MYRFL: variants seen among roughly 807,000 people sequenced by gnomAD.
MYRFL encodes the protein myelin regulatory factor-like protein.
MYRFL carries 88 observed loss-of-function variants against 109.4 expected under a neutral mutation model. The ratio of observed to expected loss-of-function variants is 0.80; its 90% confidence interval spans 0.68 to 0.96. The LOEUF (loss-of-function observed/expected upper bound fraction) is 0.96, where lower values mean the gene tolerates loss of function less well. Ranked by LOEUF, MYRFL falls within the 40% of genes least tolerant of loss-of-function variation. The pLI, the probability that MYRFL is intolerant of heterozygous loss-of-function variation, is 0.00. For missense variants in MYRFL, 957 were observed against 954.9 expected, an observed-to-expected ratio of 1.00 and a Z score of -0.03; for synonymous variants, 324 against 320.9, an observed-to-expected ratio of 1.01 and a Z score of -0.10.
In MYRFL at chr12:69,948,462, C is replaced by T. The variant is rs191147061; in HGVS notation, c.2225-3651C>T. On this transcript the variant is annotated intron_variant, in intron 19 of 24. Transcript: ENST00000552032. ...GTAGTTCTGTTGCCAGAATTTATAA[C>T]GAGCTCTTTTTCTGCAAATTCAGCA... is the stretch of plus-strand genomic sequence containing the variant. Among the ~76,000 whole-genome samples the T allele has an allele frequency of 2.4e-3, 359 of 152,200 alleles. 3 individuals carry two copies. The highest frequency in any genetic ancestry group is 7.7e-3 in the African/African-American group (320 of 41,538).
intron 20 of MYRFL, 33 bp downstream of exon 20, chr12:69,952,208 G>A (rs1955995068): frequency 4.6e-6 from 7 of 1,523,920 alleles, no homozygotes. Flanking sequence ...CTATTCTTTG[G>A]CTTTGCGGGG....
At chr12:69,876,836 C>T (rs1035578864) in intron 2 of MYRFL, among the ~76,000 whole-genome samples, 1 of 152,010 alleles carries the variant, frequency 6.6e-6, no homozygotes, top group African/African-American at 2.4e-5. Context: ...TTAATGAATT[C>T]TTCTATTTTT....
intron 5 of MYRFL, among the ~76,000 whole-genome samples, chr12:69,883,881 G>GA (rs1015081372): frequency 6.7e-5 from 10 of 148,474 alleles, no homozygotes; most frequent in African/African-American, 2.0e-4. Flanking sequence ...GTCTAAAAAA[G>GA]AAAAAAAAAG....
chr12:69,893,744 CT>C lies in MYRFL; in HGVS notation c.904-15del. The C allele has an allele frequency of 2.9e-6, 4 of 1,356,272 alleles. No homozygotes were observed. The highest frequency in any genetic ancestry group is 3.8e-6 in the Non-Finnish European group (4 of 1,044,162). 84.0% of individuals were successfully genotyped at this position (1,356,272 alleles called of 1,614,324 possible). On this transcript the variant is annotated intron_variant, in intron 7 of 24. Transcript: ENST00000552032. ...TTTAATTAATTAATTAATTAGTTTA[CT>C]TTTTGTTGTTTCATACAGGTGGAAG...
At chr12:69,927,441 T>A (rs1269212) in intron 14 of MYRFL, among the ~76,000 whole-genome samples, 108,692 of 151,786 alleles carry the variant, frequency 0.72, 39,589 homozygotes, top group East Asian at 0.99. Flanking sequence ...TTAAGAAGGT[T>A]AATGCACATT....
At position 69,932,560 on chromosome 12, in the gene MYRFL, G is replaced by C; in HGVS notation, c.1878G>C (p.Gln626His). ...KRQACPNWVF[Q>H]TLVITLIAVM... ...AGGCGTGTCCTAATTGGGTTTTCCA[G>C]ACCTTGGTTATAACTCTGATTGCTG... Residue 626 changes from glutamine (Q) to histidine (H), a missense_variant, in exon 16 of 25, where the codon CAG (glutamine) becomes CAC (histidine). By Grantham distance (24) the Gln-to-His change is conservative. Coordinates refer to ENST00000552032, the MANE Select transcript of MYRFL (RefSeq NM_182530.3). The C allele has an allele frequency of 6.5e-7, 1 of 1,536,066 alleles. No homozygotes were observed. Among genetic ancestry groups the C allele is most frequent in the South Asian group, 1.2e-5 (1 of 84,052 alleles).
intron 16 of MYRFL, among the ~76,000 whole-genome samples, chr12:69,933,299 C>G (rs986367520): frequency 2.0e-5 from 3 of 151,962 alleles, no homozygotes; most frequent in African/African-American, 7.3e-5. Flanking sequence ...CCCCACCACA[C>G]TGGGCCTTTG....
intron 19 of MYRFL, among the ~76,000 whole-genome samples, chr12:69,943,702 G>C (rs1592885005): frequency 1.4e-5 from 2 of 141,638 alleles, no homozygotes; most frequent in South Asian, 2.3e-4. Flanking sequence ...TTAAACTAAA[G>C]AGCTTCTGCA....
At position 69,949,999 on chromosome 12, in the gene MYRFL, A is replaced by AAAT. The variant is rs531118898; in HGVS notation, c.2225-2112_2225-2110dup. On this transcript the variant is annotated intron_variant, in intron 19 of 24. Transcript: ENST00000552032. Reference sequence around the variant, plus strand: ...TGTTCAATGAAGAGTAGGTGTTAACAAATAGTAGGTGTAATTATCATTGTT... The same window carrying AAAT: ...TGTTCAATGAAGAGTAGGTGTTAACAAATAATAGTAGGTGTAATTATCATTGTT... 3.3e-3 allele frequency among the ~76,000 whole-genome samples: 505 copies of AAAT among 152,322 alleles called. 4 individuals carry two copies. The highest frequency in any genetic ancestry group is 0.024 in the South Asian group (115 of 4,824).
intron 13 of MYRFL, among the ~76,000 whole-genome samples, chr12:69,911,703 G>T (rs1954577713): frequency 6.6e-6 from 1 of 152,112 alleles, no homozygotes; most frequent in African/African-American, 2.4e-5. Flanking sequence ...ATTTTTGCAA[G>T]GTTTGCAAAT....
chr12:69,835,024 A>G (rs1882851789), intron 1 of MYRFL, among the ~76,000 whole-genome samples: 1 of 152,190 alleles, frequency 6.6e-6, no homozygotes, highest in African/African-American at 2.4e-5. Context: ...ATTTTGTTCT[A>G]ATTTTATAGT....
chr12:69,875,306 C>T (rs1269119141), intron 2 of MYRFL, among the ~76,000 whole-genome samples: 1 of 151,650 alleles, frequency 6.6e-6, no homozygotes. Flanking sequence ...TGGAATTTTT[C>T]TAATCTTAGA....
At chr12:69,878,614 T>C (rs977549484) in intron 2 of MYRFL, among the ~76,000 whole-genome samples, 1 of 152,216 alleles carries the variant, frequency 6.6e-6, no homozygotes, top group African/African-American at 2.4e-5. Flanking sequence ...ATTTGTCCTT[T>C]ATAAGAAGCA....
chr12:69,843,723 C>T (rs1423574207), intron 1 of MYRFL, among the ~76,000 whole-genome samples: 1 of 152,180 alleles, frequency 6.6e-6, no homozygotes, highest in Non-Finnish European at 1.5e-5. Context: ...CGGCCAAGAG[C>T]AGCAGTACAT....
intron 2 of MYRFL, among the ~76,000 whole-genome samples, chr12:69,855,863 T>A (rs576698529): frequency 2.0e-5 from 3 of 152,266 alleles, no homozygotes; most frequent in Admixed American, 2.0e-4. Context: ...TGGTTAAAGT[T>A]AAAATTCTTA....
At position 69,958,496 on chromosome 12, in the gene MYRFL, G is replaced by T; in HGVS notation, c.2698G>T (p.Asp900Tyr). The T allele has an allele frequency of 1.3e-6, 2 of 1,534,586 alleles. No individual in the cohort carries two copies. Among genetic ancestry groups the T allele is most frequent in the East Asian group, 2.4e-5 (1 of 40,854 alleles). The change falls in exon 25 of 25, where the codon GAT becomes TAT. Residue 900 changes from aspartate (D) to tyrosine (Y), a missense_variant. Coordinates refer to ENST00000552032, the MANE Select transcript of MYRFL (RefSeq NM_182530.3). ...TTATTTTGCTGGGATATTCTTCACC[G>T]ATTACTTCTTTTACTTCTATCGACG... ...DPYFAGIFFTDYFFYFYRRCA is the reference protein window; with the variant it reads ...DPYFAGIFFTYYFFYFYRRCA
chr12:69,895,251 T>G (rs926358450), intron 8 of MYRFL, 120 bp from the exon 9 acceptor site: 5 of 706,788 alleles, frequency 7.1e-6, no homozygotes, highest in Non-Finnish European at 9.3e-6. Context: ...AACTGTTCTC[T>G]CAGTGTGGTG....
intron 1 of MYRFL, among the ~76,000 whole-genome samples, chr12:69,841,924 A>G (rs186145803): frequency 2.0e-5 from 3 of 152,196 alleles, no homozygotes; most frequent in East Asian, 1.9e-4. Context: ...AATTCCCACA[A>G]CTCCTCTGTG....
chr12:69,946,128 G>A (rs1955833303), intron 19 of MYRFL, among the ~76,000 whole-genome samples: 1 of 151,096 alleles, frequency 6.6e-6, no homozygotes. Flanking sequence ...CCTAAAAGCA[G>A]TAGCCTAGAA....
Sources: allele counts gnomAD v4.1 joint callset (sites outside exome capture counted in the v4.1 genomes callset), GRCh38; gene constraint gnomAD v4.1.1; transcripts MANE v1.5; gene names NCBI Gene and HGNC (gene_info 2026-07-23, HGNC 2026-07-21).